The following CLIC5 variants were observed in gnomAD, a reference collection of about 807,000 sequenced individuals.
CLIC5 encodes chloride intracellular channel protein 5.
In CLIC5, 20 loss-of-function variants were observed where a neutral mutation model predicts 24.7. The ratio of observed to expected loss-of-function variants is 0.81; its 90% CI spans 0.57 to 1.18. The LOEUF is 1.18. Ranked by LOEUF, CLIC5 falls within the 50% of genes most tolerant of loss-of-function variation. The pLI, the probability that CLIC5 is intolerant of heterozygous loss-of-function variation, is 0.00. For missense variants in CLIC5, 341 were observed against 326.1 expected, an observed-to-expected ratio of 1.05 and a Z score of -0.35; for synonymous variants, 159 against 135.6, an observed-to-expected ratio of 1.17 and a Z score of -1.20.
At chr6:45,930,584 C>G (rs886923451) in intron 4 of CLIC5, among the ~76,000 whole-genome samples, 1 of 152,178 alleles carries the variant, frequency 6.6e-6, no homozygotes, top group South Asian at 2.1e-4. Flanking sequence ...ATCACATCAG[C>G]TGGCTCTGGC....
At chr6:45,992,872 G>A (rs1325226336) in intron 1 of CLIC5, among the ~76,000 whole-genome samples, 1 of 152,154 alleles carries the variant, frequency 6.6e-6, no homozygotes, top group Non-Finnish European at 1.5e-5. Context: ...CTTTTGGGGT[G>A]ATAATTACCC....
intron 4 of CLIC5, among the ~76,000 whole-genome samples, chr6:45,922,935 C>T (rs200666737): frequency 1.3e-5 from 2 of 151,912 alleles, no homozygotes; most frequent in South Asian, 2.1e-4. Context: ...TTAGGGAACC[C>T]GGCCCAGACT....
chr6:46,043,081 C>T (rs1767854112), intron 1 of CLIC5, among the ~76,000 whole-genome samples: 1 of 152,126 alleles, frequency 6.6e-6, no homozygotes, highest in Non-Finnish European at 1.5e-5. Context: ...TTCTACATAG[C>T]CCACCCATAA....
chr6:46,118,025 A>T, the CLIC5 span, among the ~76,000 whole-genome samples: 1 of 152,140 alleles, frequency 6.6e-6, no homozygotes, highest in African/African-American at 2.4e-5. Context: ...CCTCCTGTGC[A>T]TCTCTATTTC....
chr6:45,892,908 G>T (rs1245605227), intron 6 of CLIC5, among the ~76,000 whole-genome samples: 2 of 152,060 alleles, frequency 1.3e-5, no homozygotes, highest in African/African-American at 4.8e-5. Context: ...TTTTATTATT[G>T]ACTTTGGAGC....
chr6:46,004,801 G>A (rs1766491283), intron 1 of CLIC5, among the ~76,000 whole-genome samples: 2 of 152,196 alleles, frequency 1.3e-5, no homozygotes. Context: ...CTCTCCCAGA[G>A]CCTGTGGGGA....
Position 46,015,463 on chromosome 6 carries a change from A to G in CLIC5, c.63+17T>C, listed in dbSNP as rs1351546261. 5.3e-6 allele frequency: 8 copies of G among 1,503,750 alleles called. No homozygotes were observed. In the Admixed American group the frequency reaches 1.7e-4, roughly 32 times the overall value. 93.2% of individuals were successfully genotyped at this position (1,503,750 alleles called of 1,614,324 possible). On this transcript the variant is annotated intron_variant, in intron 1 of 5. Coordinates refer to ENST00000339561, the MANE Select transcript of CLIC5 (RefSeq NM_016929.5). ...GGAGGCGCGGCAGGTGCGGCGGGAG[A>G]CTGGACCCCGACCTACCTTCACAAA...
intron 1 of CLIC5, among the ~76,000 whole-genome samples, chr6:46,002,176 A>G (rs1581847513): frequency 6.6e-6 from 1 of 152,212 alleles, no homozygotes; most frequent in African/African-American, 2.4e-5. Context: ...CATGGACGAT[A>G]TTGTAAATTT....
intron 1 of CLIC5, among the ~76,000 whole-genome samples, chr6:45,970,397 A>G (rs1431090697): frequency 6.6e-6 from 1 of 152,148 alleles, no homozygotes; most frequent in Non-Finnish European, 1.5e-5. Context: ...CTGCTGGCTG[A>G]GTTATATGTT....
intron 1 of CLIC5, among the ~76,000 whole-genome samples, chr6:46,005,999 T>TA (rs1491527878): frequency 0.026 from 2,924 of 114,504 alleles, 134 homozygotes; most frequent in African/African-American, 0.099. Context: ...TATATATATA[T>TA]TTATATATAT....
At chr6:46,050,135 G>C (rs1384034745) in intron 1 of CLIC5, among the ~76,000 whole-genome samples, 1 of 152,118 alleles carries the variant, frequency 6.6e-6, no homozygotes, top group African/African-American at 2.4e-5. Flanking sequence ...TTATTCACTT[G>C]TCCATTGATC....
In CLIC5 at chr6:46,046,554, G is replaced by C. The variant is rs192103305; in HGVS notation, c.540+33149C>G. ...AAGCCTGTATGGTCAATTCAGTGTG[G>C]TCACTTAAGAGACCCCATCATTCAT... On this transcript the variant is annotated intron_variant, in intron 1 of 5. Transcript: ENST00000185206. Among the ~76,000 whole-genome samples the C allele has an allele frequency of 3.9e-5, 6 of 152,270 alleles. No individual in the cohort carries two copies. The East Asian group carries it at 1.2e-3, about 29-fold the overall frequency.
At chr6:46,090,086 C>CA in the CLIC5 span, among the ~76,000 whole-genome samples, 1 of 151,898 alleles carries the variant, frequency 6.6e-6, no homozygotes, top group Non-Finnish European at 1.5e-5. Context: ...AAAACGACAA[C>CA]AAAAAACGAA....
chr6:45,911,350 C>A (rs781767450), intron 5 of CLIC5, among the ~76,000 whole-genome samples: 1 of 152,136 alleles, frequency 6.6e-6, no homozygotes, highest in Non-Finnish European at 1.5e-5. Context: ...TGATGAAGTC[C>A]GAGTCCTTTG....
the CLIC5 span, among the ~76,000 whole-genome samples, chr6:46,125,944 T>A: frequency 6.6e-6 from 1 of 152,238 alleles, no homozygotes; most frequent in Non-Finnish European, 1.5e-5. Context: ...GACTGAGGCA[T>A]GTCCCCATCA....
upstream of CLIC5, among the ~76,000 whole-genome samples, chr6:46,084,633 C>T (rs549145596): frequency 7.2e-3 from 1,096 of 152,258 alleles, 5 homozygotes; most frequent in Non-Finnish European, 0.011. Flanking sequence ...GAGTTTCTGC[C>T]GAGAGATCCG....
intron 2 of CLIC5, 41 bp from the exon 3 acceptor site, chr6:45,949,422 G>C (rs370730036): frequency 1.3e-6 from 2 of 1,594,504 alleles, no homozygotes; most frequent in African/African-American, 2.7e-5. Context: ...TTACAGCAGG[G>C]TGCTTCCTGT....
chr6:46,045,683 C>G (rs1038171472), intron 1 of CLIC5, among the ~76,000 whole-genome samples: 7 of 152,148 alleles, frequency 4.6e-5, no homozygotes, highest in African/African-American at 1.4e-4. Context: ...AATCATTATT[C>G]AAAGTCAAAA....
rs765635226 is a variant in CLIC5, at chr6:46,015,588, C to T, written c.-46G>A. The stretch of plus-strand genomic sequence containing the variant: ...CCGTCCCGGGCCGGGGAGGCGCCAC[C>T]TCTGCAGCACCTGGGCCAGCACTCT... On this transcript the variant is annotated 5_prime_UTR_variant, in exon 1 of 6. Transcript: ENST00000339561. The T allele has an allele frequency of 1.3e-6, 2 of 1,534,660 alleles. No individual in the cohort carries two copies. Among genetic ancestry groups the T allele is most frequent in the South Asian group, 1.2e-5 (1 of 81,664 alleles).
Sources: allele counts gnomAD v4.1 joint callset (sites outside exome capture counted in the v4.1 genomes callset), GRCh38; gene constraint gnomAD v4.1.1; transcripts MANE v1.5; gene names NCBI Gene and HGNC (gene_info 2026-07-23, HGNC 2026-07-21).